Variants in RSBN1 observed in about 807,000 individuals in gnomAD.
RSBN1 encodes lysine-specific demethylase 9.
In RSBN1, 23 loss-of-function variants were observed where a neutral mutation model predicts 74.8. The observed-to-expected ratio is 0.31, with a 90% confidence interval of 0.22 to 0.44. The LOEUF is 0.44. Ranked by LOEUF, RSBN1 falls within the 20% of genes least tolerant of loss-of-function variation. The pLI, the probability that RSBN1 is intolerant of heterozygous loss-of-function variation, is 1.00. For synonymous variants in RSBN1, 407 were observed against 379.6 expected (o/e 1.07, Z -0.84); for missense variants, 808 against 1,020.9 (o/e 0.79, Z 2.84).
intron 1 of RSBN1, among the ~76,000 whole-genome samples, chr1:113,811,186 A>G (rs1660834965): frequency 6.6e-6 from 1 of 152,224 alleles, no homozygotes; most frequent in Admixed American, 6.5e-5. Context: ...TTACCTCTAG[A>G]TTAAAAAGAA....
At chr1:113,787,648 A>G (rs1660272091) in intron 2 of RSBN1, among the ~76,000 whole-genome samples, 1 of 152,204 alleles carries the variant, frequency 6.6e-6, no homozygotes, top group African/African-American at 2.4e-5. Context: ...CAGGGAATTA[A>G]GCAAAATCCC....
rs1007809477 is a variant in RSBN1 at position 113,763,677 on chromosome 1, C to T, written c.*2303G>A. On this transcript the variant is annotated 3_prime_UTR_variant, in exon 7 of 7. Transcript: ENST00000261441. ...CTAACATACAATGAATTTATTAGTA[C>T]ATGATTTTAAACATTTTTATTGTAC... 6.5e-6 allele frequency: 1 copy of T among 152,676 alleles called. No homozygotes were observed. Among genetic ancestry groups the T allele is most frequent in the African/African-American group, 2.4e-5 (1 of 41,424 alleles). The allele number at this position is 152,676 out of a possible 1,614,324, so 9.5% of individuals were successfully genotyped here.
chr1:113,772,067 A>G (rs1659895995), intron 4 of RSBN1, among the ~76,000 whole-genome samples: 1 of 152,132 alleles, frequency 6.6e-6, no homozygotes, highest in African/African-American at 2.4e-5. Context: ...GAAACCTTAG[A>G]ATATGAATTA....
At chr1:113,797,283 G>T (rs1660490565) in intron 2 of RSBN1, 80 bp downstream of exon 2, 7 of 1,098,824 alleles carry the variant, frequency 6.4e-6, no homozygotes, top group Admixed American at 5.0e-5. Flanking sequence ...AAAATGTGCT[G>T]GTATGTGCTG....
intron 1 of RSBN1, among the ~76,000 whole-genome samples, chr1:113,810,118 G>T (rs1319163462): frequency 6.6e-6 from 1 of 152,174 alleles, no homozygotes; most frequent in Non-Finnish European, 1.5e-5. Flanking sequence ...GTAAACAAAG[G>T]AGTGGAAAAA....
chr1:113,801,322 A>G (rs1660580682), intron 1 of RSBN1, among the ~76,000 whole-genome samples: 1 of 152,160 alleles, frequency 6.6e-6, no homozygotes, highest in Non-Finnish European at 1.5e-5. Flanking sequence ...TAAGATACAG[A>G]AAGCTTGACT....
chr1:113,807,041 G>A (rs982584785), intron 1 of RSBN1, among the ~76,000 whole-genome samples: 2 of 150,944 alleles, frequency 1.3e-5, no homozygotes, highest in African/African-American at 4.9e-5. Flanking sequence ...GGCTGGGCGT[G>A]GTGGCTCATG....
At chr1:113,768,099 A>G (rs1475853522) in intron 5 of RSBN1, 123 bp downstream of exon 5, 21 of 760,582 alleles carry the variant, frequency 2.8e-5, no homozygotes, top group Non-Finnish European at 4.2e-5. Flanking sequence ...AAAAATGGTT[A>G]AGATGGCAAA....
rs1028209577 is a variant in RSBN1, at chr1:113,779,931, A to C, written c.1378-2123T>G. Among the ~76,000 whole-genome samples, 3 of 152,052 alleles carry C rather than the reference A, an allele frequency of 2.0e-5. No individual in the cohort carries two copies. The South Asian group carries it at 6.2e-4, about 31-fold the overall frequency. ...AGATACTCGGGAGGCTGAGGCAGAG[A>C]ACTGCTTGAACATGGGAGGCGGAGT... is the stretch of plus-strand genomic sequence containing the variant. On this transcript the variant is annotated intron_variant, in intron 2 of 6. Coordinates refer to ENST00000261441, the MANE Select transcript of RSBN1 (RefSeq NM_018364.5).
At chr1:113,791,144 C>T (rs1033141756) in intron 2 of RSBN1, among the ~76,000 whole-genome samples, 2 of 151,888 alleles carry the variant, frequency 1.3e-5, no homozygotes, top group Non-Finnish European at 2.9e-5. Context: ...GGAGACATAA[C>T]GCCAACAGGA....
At chr1:113,770,897 G>A (rs1659874143) in intron 4 of RSBN1, among the ~76,000 whole-genome samples, 1 of 152,154 alleles carries the variant, frequency 6.6e-6, no homozygotes, top group East Asian at 1.9e-4. Flanking sequence ...CAAACCAGGA[G>A]CTCTATTATT....
intron 2 of RSBN1, among the ~76,000 whole-genome samples, chr1:113,780,721 A>G (rs1228886274): frequency 6.6e-6 from 1 of 152,242 alleles, no homozygotes; most frequent in Non-Finnish European, 1.5e-5. Context: ...CATGAGTGAC[A>G]AAGAATTAAC....
At chr1:113,777,495 T>A in intron 3 of RSBN1, 143 bp from the exon 4 acceptor site, 1 of 934,360 alleles carries the variant, frequency 1.1e-6, no homozygotes, top group Non-Finnish European at 1.5e-6. Context: ...TAATTTATAT[T>A]AAAAAGAATA....
intron 1 of RSBN1, 83 bp from the exon 2 acceptor site, chr1:113,798,119 T>C (rs2101819687): frequency 8.4e-7 from 1 of 1,185,818 alleles, no homozygotes; most frequent in South Asian, 1.6e-5. Flanking sequence ...TCTCATTAAA[T>C]AGCCTATCCT....
chr1:113,779,164 TC>T (rs1660089038), intron 2 of RSBN1, among the ~76,000 whole-genome samples: 1 of 152,190 alleles, frequency 6.6e-6, no homozygotes, highest in Non-Finnish European at 1.5e-5. Flanking sequence ...ATAAAATGGC[TC>T]TTTAATGAAC....
At chr1:113,773,819 A>G (rs951902993) in intron 4 of RSBN1, among the ~76,000 whole-genome samples, 6 of 152,092 alleles carry the variant, frequency 3.9e-5, no homozygotes, top group African/African-American at 1.4e-4. Context: ...CCTAGCCAAC[A>G]TGGTGAAACC....
At chr1:113,783,189 G>A (rs1482362424) in intron 2 of RSBN1, among the ~76,000 whole-genome samples, 3 of 151,924 alleles carry the variant, frequency 2.0e-5, no homozygotes, top group Admixed American at 6.6e-5. Flanking sequence ...GTAATACAAA[G>A]TGCCTGGTAT....
chr1:113,800,423 A>C (rs1166776975), intron 1 of RSBN1, among the ~76,000 whole-genome samples: 2 of 152,088 alleles, frequency 1.3e-5, no homozygotes, highest in Non-Finnish European at 2.9e-5. Flanking sequence ...AATTCATCTA[A>C]ATACTTTCCC....
chr1:113,779,438 C>G lies in RSBN1; in HGVS notation c.1378-1630G>C, dbSNP rs147412355. Among the ~76,000 whole-genome samples the G allele has an allele frequency of 1.7e-4, 26 of 152,180 alleles. 2 individuals carry two copies. The highest frequency in any genetic ancestry group is 1.3e-3 in the Admixed American group (20 of 15,290). The stretch of plus-strand genomic sequence containing the variant: ...TTTTAATTCCTTACAAATCCTCCCC[C>G]CAAGATCACTTTAGATGATTCTTAA... On this transcript the variant is annotated intron_variant, in intron 2 of 6. Coordinates refer to ENST00000261441, the MANE Select transcript of RSBN1 (RefSeq NM_018364.5).
Sources: gnomAD v4.1 joint callset for allele counts (sites outside exome capture counted in the v4.1 genomes callset) on GRCh38, gnomAD v4.1.1 for gene constraint, MANE v1.5 for transcripts, NCBI Gene and HGNC (gene_info 2026-07-23, HGNC 2026-07-21) for gene names.